The following KYAT3 variants were observed in gnomAD, a reference collection of about 807,000 sequenced individuals.
The protein encoded by KYAT3 is kynurenine--oxoglutarate transaminase 3.
KYAT3 carries 50 observed loss-of-function variants against 59.0 expected under a neutral mutation model. That is an observed-to-expected ratio of 0.85 (90% CI 0.68 to 1.07). KYAT3 has a LOEUF of 1.07. KYAT3 is among the 50% of genes least tolerant of loss of function. KYAT3 has a pLI of 0.00. For missense variants in KYAT3, 497 were observed against 533.3 expected, an observed-to-expected ratio of 0.93 and a Z score of 0.67; for synonymous variants, 148 against 177.0, an observed-to-expected ratio of 0.84 and a Z score of 1.30.
intron 2 of KYAT3, chr1:88,983,041 A>G (rs1677187803): frequency 1.2e-6 from 2 of 1,612,660 alleles, no homozygotes; most frequent in Non-Finnish European, 8.5e-7. Context: ...ATCCATCTCT[A>G]TCGCCATAGC....
chr1:88,981,293 A>G (rs1677075716), intron 2 of KYAT3: 1 of 152,230 alleles, frequency 6.6e-6, no homozygotes, highest in Admixed American at 6.5e-5. Context: ...ACACTTCACC[A>G]GATAGAGCTA....
chr1:88,955,082 A>G (rs1675851928), intron 9 of KYAT3, 67 bp downstream of exon 9: 1 of 1,070,702 alleles, frequency 9.3e-7, no homozygotes, highest in East Asian at 2.4e-5. Flanking sequence ...TAAAACACAA[A>G]CCACTCAACA....
chr1:88,938,911 A>G (rs954766644), intron 13 of KYAT3, among the ~76,000 whole-genome samples: 2 of 152,222 alleles, frequency 1.3e-5, no homozygotes, highest in African/African-American at 4.8e-5. Flanking sequence ...ATCCTTGAAT[A>G]TAAGTCATTC....
chr1:88,948,302 A>G (rs756100037), intron 11 of KYAT3, among the ~76,000 whole-genome samples: 3 of 152,216 alleles, frequency 2.0e-5, no homozygotes, highest in South Asian at 2.1e-4. Context: ...ATAAAATTTT[A>G]AAACATTTAA....
At chr1:88,937,496 C>T (rs1675084049) in intron 13 of KYAT3, among the ~76,000 whole-genome samples, 1 of 151,898 alleles carries the variant, frequency 6.6e-6, no homozygotes, top group South Asian at 2.1e-4. Flanking sequence ...TAAATTATAG[C>T]CCACTGTACT....
chr1:88,959,572 CAAAAAA>C (rs33949703), intron 8 of KYAT3, among the ~76,000 whole-genome samples: 5 of 118,002 alleles, frequency 4.2e-5, no homozygotes, highest in African/African-American at 6.5e-5. Flanking sequence ...GACTCTGTCT[CAAAAAA>C]AAAAAAAAAA....
intron 2 of KYAT3, 125 bp from the exon 3 acceptor site, chr1:88,969,592 T>C: frequency 1.7e-6 from 1 of 602,834 alleles, no homozygotes; most frequent in Non-Finnish European, 3.0e-6. Context: ...TAAAGATAAA[T>C]CTTAGACTCC....
intron 2 of KYAT3, chr1:88,982,553 A>T: frequency 1.4e-6 from 2 of 1,453,606 alleles, no homozygotes; most frequent in Non-Finnish European, 9.2e-7. Flanking sequence ...AGGTAACACA[A>T]TTTTTCCTTT....
At chr1:88,967,830 G>A (rs1676400635) in intron 4 of KYAT3, among the ~76,000 whole-genome samples, 1 of 151,936 alleles carries the variant, frequency 6.6e-6, no homozygotes, top group South Asian at 2.1e-4. Flanking sequence ...TCTTTTCAAA[G>A]AACCAGCTTT....
the KYAT3 span, among the ~76,000 whole-genome samples, chr1:88,926,726 T>C: frequency 1.3e-5 from 2 of 152,158 alleles, no homozygotes; most frequent in African/African-American, 4.8e-5. Context: ...TGCCTAATAA[T>C]TGGTCTCCTC....
At chr1:88,925,559 C>T in the KYAT3 span, among the ~76,000 whole-genome samples, 2 of 152,070 alleles carry the variant, frequency 1.3e-5, no homozygotes, top group Admixed American at 6.5e-5. Context: ...ATACAGCTCT[C>T]GATATGGGCA....
At chr1:88,974,635 G>C (rs1169028052) in intron 2 of KYAT3, among the ~76,000 whole-genome samples, 2 of 152,022 alleles carry the variant, frequency 1.3e-5, no homozygotes, top group African/African-American at 2.4e-5. Flanking sequence ...CCTGGGTCGA[G>C]TGGGGACTTG....
At position 88,953,090 on chromosome 1, in the gene KYAT3, C is replaced by A; in HGVS notation, c.927G>T (p.Thr309=). Residue 309 remains threonine (T), a synonymous_variant, in exon 10 of 14, where the codon ACG becomes ACT. Coordinates refer to ENST00000260508, the MANE Select transcript of KYAT3 (RefSeq NM_001008661.3). ...GTAAAGGAGTTGCACAAGTATAAAT[C>A]GTGTTTTGTTGAACTGTCTGTAAAT... ...IKHLQTVQQN[T]IYTCATPLQE... 6.2e-7 allele frequency: 1 copy of A among 1,612,104 alleles called. No homozygotes were observed. The highest frequency in any genetic ancestry group is 8.5e-7 in the Non-Finnish European group (1 of 1,178,232).
At chr1:88,965,661 C>T (rs1401418379) in intron 4 of KYAT3, among the ~76,000 whole-genome samples, 1 of 151,972 alleles carries the variant, frequency 6.6e-6, no homozygotes, top group Non-Finnish European at 1.5e-5. Flanking sequence ...CCCTTCCTTC[C>T]TTTTTTTTCT....
chr1:88,941,158 G>C (rs1294060893), intron 13 of KYAT3, among the ~76,000 whole-genome samples: 1 of 152,160 alleles, frequency 6.6e-6, no homozygotes, highest in Admixed American at 6.5e-5. Context: ...TCTCAATCCA[G>C]TGTAAGATGA....
downstream of KYAT3, among the ~76,000 whole-genome samples, chr1:88,932,490 A>G (rs113324583): frequency 0.05 from 7,671 of 152,144 alleles, 586 homozygotes; most frequent in African/African-American, 0.16. Context: ...GCCGCAACAG[A>G]CATTATTACT....
At chr1:88,979,267 CAG>C (rs1676952540) in intron 2 of KYAT3, among the ~76,000 whole-genome samples, 1 of 152,080 alleles carries the variant, frequency 6.6e-6, no homozygotes, top group African/African-American at 2.4e-5. Context: ...TGAGACTAAA[CAG>C]AGTCACATCT....
In KYAT3 at chr1:88,968,900, G is replaced by C. The variant is rs1191905973; in HGVS notation, c.159-86C>G. 8.2e-6 allele frequency: 8 copies of C among 977,938 alleles called. No individual in the cohort carries two copies. In the East Asian group the frequency reaches 2.1e-4, roughly 26 times the overall value. The allele number at this position is 977,938 out of a possible 1,614,324, so 60.6% of individuals were successfully genotyped here. A position where few individuals can be genotyped will look rare whatever the true frequency, so the allele number is the denominator to read the frequency against. ...TATCTTATAGTCTTACCACAAAACAGACAAATAAGACCCTAGTTTAGTCCT... is the reference window on the plus strand; with the variant it reads ...TATCTTATAGTCTTACCACAAAACACACAAATAAGACCCTAGTTTAGTCCT... On this transcript the variant is annotated intron_variant, in intron 3 of 13. Coordinates refer to ENST00000260508, the MANE Select transcript of KYAT3 (RefSeq NM_001008661.3).
intron 8 of KYAT3, among the ~76,000 whole-genome samples, chr1:88,959,125 A>T (rs958296400): frequency 2.5e-4 from 38 of 152,160 alleles, no homozygotes; most frequent in African/African-American, 6.7e-4. Flanking sequence ...AAAAATTTTT[A>T]AAAAATTAGC....
Sources: allele counts gnomAD v4.1 joint callset (sites outside exome capture counted in the v4.1 genomes callset), GRCh38; gene constraint gnomAD v4.1.1; transcripts MANE v1.5; gene names NCBI Gene and HGNC (gene_info 2026-07-23, HGNC 2026-07-21).